Variants in DLG2 observed in about 807,000 individuals in gnomAD.
DLG2 encodes the protein disks large homolog 2.
DLG2 carries 45 observed loss-of-function variants against 132.5 expected under a neutral mutation model. The observed-to-expected ratio is 0.34, with a 90% confidence interval of 0.27 to 0.44. DLG2 has a LOEUF of 0.44. Among genes scored for constraint, DLG2 ranks in the 20% least tolerant of loss-of-function variants. DLG2 has a pLI of 1.00. For synonymous variants in DLG2, 424 were observed against 419.6 expected (o/e 1.01, Z -0.13); for missense variants, 1,045 against 1,196.9 (o/e 0.87, Z 1.87).
In DLG2 at chr11:85,316,252, G is replaced by A. The variant is rs77233944; in HGVS notation, c.41-30887C>T. Among the ~76,000 whole-genome samples the A allele has an allele frequency of 9.4e-3, 1,422 of 151,928 alleles. 20 individuals carry two copies. Among genetic ancestry groups the A allele is most frequent in the African/African-American group, 0.03 (1,245 of 41,440 alleles). On this transcript the variant is annotated intron_variant, in intron 3 of 27. Coordinates refer to ENST00000376104, the MANE Select transcript of DLG2 (RefSeq NM_001142699.3). ...TTCTAAAATGACTATTCTCAATGTC[G>A]CTAGTGTAATTAATTTAAAATGCTA...
intron 6 of DLG2, among the ~76,000 whole-genome samples, chr11:85,022,052 A>G (rs1020895963): frequency 6.6e-6 from 1 of 152,204 alleles, no homozygotes; most frequent in East Asian, 1.9e-4. Flanking sequence ...AAAATTGCAT[A>G]AAAAGGAAAT....
chr11:84,707,559 T>C (rs887296515), intron 6 of DLG2, among the ~76,000 whole-genome samples: 22 of 151,776 alleles, frequency 1.4e-4, no homozygotes, highest in African/African-American at 5.3e-4. Flanking sequence ...CATACTCTTA[T>C]CCATTATAAG....
intron 3 of DLG2, among the ~76,000 whole-genome samples, chr11:85,447,248 C>T (rs2092050704): frequency 6.6e-6 from 1 of 152,140 alleles, no homozygotes. Flanking sequence ...TCCAAGAATA[C>T]TATGATGAAA....
In DLG2 at chr11:84,639,935, T is replaced by G. The variant is rs536527948; in HGVS notation, c.358-105204A>C. On this transcript the variant is annotated intron_variant, in intron 6 of 27. Coordinates refer to ENST00000376104, the MANE Select transcript of DLG2 (RefSeq NM_001142699.3). Reference sequence around the variant, plus strand: ...ATTAATTTCCTGAAGATAATAAGCCTATGAACTATTTCAATTCTAAAATTT... The same window carrying G: ...ATTAATTTCCTGAAGATAATAAGCCGATGAACTATTTCAATTCTAAAATTT... The G allele has an allele frequency of 1.7e-4, 33 of 195,168 alleles. No individual in the cohort carries two copies. In the South Asian group the frequency reaches 3.2e-3, roughly 19 times the overall value. The allele number at this position is 195,168 out of a possible 1,614,324, so 12.1% of individuals were successfully genotyped here. A position where few individuals can be genotyped will look rare whatever the true frequency, so the allele number is the denominator to read the frequency against.
chr11:83,769,878 GAAAGT>G (rs2094312880), intron 18 of DLG2, among the ~76,000 whole-genome samples: 1 of 151,952 alleles, frequency 6.6e-6, no homozygotes, highest in Non-Finnish European at 1.5e-5. Context: ...CTTGTTCTTT[GAAAGT>G]AAAGGTGGGT....
chr11:85,429,359 T>A (rs2091002646), intron 3 of DLG2, among the ~76,000 whole-genome samples: 1 of 151,748 alleles, frequency 6.6e-6, no homozygotes, highest in Non-Finnish European at 1.5e-5. Context: ...TGATGACAAA[T>A]GGGATCTAAT....
At chr11:85,516,204 T>C (rs1362742086) in intron 3 of DLG2, among the ~76,000 whole-genome samples, 1 of 152,054 alleles carries the variant, frequency 6.6e-6, no homozygotes, top group Non-Finnish European at 1.5e-5. Flanking sequence ...GAATAATCTT[T>C]GGGTCAAGGA....
At chr11:85,199,274 T>C (rs1258889484) in intron 4 of DLG2, among the ~76,000 whole-genome samples, 3 of 152,198 alleles carry the variant, frequency 2.0e-5, no homozygotes, top group Non-Finnish European at 1.5e-5. Flanking sequence ...AATCATTATA[T>C]TGAGCAAGAT....
intron 7 of DLG2, among the ~76,000 whole-genome samples, chr11:84,494,615 T>C (rs2099175322): frequency 6.6e-6 from 1 of 152,092 alleles, no homozygotes; most frequent in Middle Eastern, 3.2e-3. Context: ...GAAGTAGTAA[T>C]GACTGATAGA....
chr11:83,484,492 G>GAAGGA (rs1793141287), intron 21 of DLG2, among the ~76,000 whole-genome samples: 2 of 119,474 alleles, frequency 1.7e-5, no homozygotes. Flanking sequence ...TCTTAAATTA[G>GAAGGA]AAGGAGAAGA....
chr11:84,310,156 C>A (rs2098272171), intron 7 of DLG2, among the ~76,000 whole-genome samples: 1 of 152,146 alleles, frequency 6.6e-6, no homozygotes, highest in East Asian at 1.9e-4. Flanking sequence ...AAGGAAATTT[C>A]TGTTAAATTA....
intron 7 of DLG2, among the ~76,000 whole-genome samples, chr11:84,366,966 T>C (rs974688708): frequency 6.6e-6 from 1 of 152,122 alleles, no homozygotes; most frequent in African/African-American, 2.4e-5. Context: ...GTGGACCTAA[T>C]AGGCATCTCT....
At chr11:84,556,123 A>T (rs1203031495) in intron 6 of DLG2, among the ~76,000 whole-genome samples, 1 of 152,226 alleles carries the variant, frequency 6.6e-6, no homozygotes, top group Admixed American at 6.5e-5. Flanking sequence ...GATAAGAAGT[A>T]ACAAAAAAAA....
chr11:85,420,709 C>A (rs2090225910), intron 3 of DLG2, among the ~76,000 whole-genome samples: 1 of 152,198 alleles, frequency 6.6e-6, no homozygotes, highest in African/African-American at 2.4e-5. Context: ...GTTTGAACTT[C>A]CTGACAGCTT....
chr11:83,462,539 T>C (rs938610989), intron 26 of DLG2, among the ~76,000 whole-genome samples: 2 of 152,134 alleles, frequency 1.3e-5, no homozygotes, highest in Non-Finnish European at 2.9e-5. Context: ...TTGGAGTTTG[T>C]TCTAGTGTAT....
chr11:84,846,083 G>T (rs2154016826), intron 6 of DLG2, among the ~76,000 whole-genome samples: 1 of 151,942 alleles, frequency 6.6e-6, no homozygotes, highest in East Asian at 1.9e-4. Context: ...TCAGTCCTAG[G>T]TTCTCTTATC....
chr11:84,840,545 T>G (rs541947252), intron 6 of DLG2, among the ~76,000 whole-genome samples: 200 of 152,268 alleles, frequency 1.3e-3, no homozygotes, highest in African/African-American at 4.7e-3. Flanking sequence ...TGCACACATA[T>G]GTTTATTGTG....
intron 6 of DLG2, among the ~76,000 whole-genome samples, chr11:84,557,521 C>A (rs973180663): frequency 1.3e-5 from 2 of 151,938 alleles, no homozygotes; most frequent in Non-Finnish European, 2.9e-5. Flanking sequence ...TATTTTGGAA[C>A]TTTATGTAAG....
At chr11:83,722,707 G>T (rs1199565692) in intron 18 of DLG2, among the ~76,000 whole-genome samples, 1 of 152,118 alleles carries the variant, frequency 6.6e-6, no homozygotes, top group African/African-American at 2.4e-5. Flanking sequence ...ATGCTAACAA[G>T]TGCCACCTTC....
Sources: gnomAD v4.1 joint callset for allele counts (sites outside exome capture counted in the v4.1 genomes callset) on GRCh38, gnomAD v4.1.1 for gene constraint, MANE v1.5 for transcripts, NCBI Gene and HGNC (gene_info 2026-07-23, HGNC 2026-07-21) for gene names.